TMEM117: variants seen among roughly 807,000 people sequenced by gnomAD.
TMEM117 encodes transmembrane protein 117.
Under a neutral mutation model 52.4 loss-of-function variants are expected in TMEM117, and 27 were observed. The observed-to-expected ratio is 0.51, with a 90% CI of 0.38 to 0.71. The LOEUF (loss-of-function observed/expected upper bound fraction) is 0.71, where lower values mean the gene tolerates loss of function less well. TMEM117 is among the 30% of genes least tolerant of loss of function. The pLI is 0.00. For synonymous variants in TMEM117, 215 were observed against 206.3 expected (o/e 1.04, Z -0.36); for missense variants, 556 against 630.5 (o/e 0.88, Z 1.26).
chr12:44,040,796 T>C (rs1382659520), intron 3 of TMEM117, among the ~76,000 whole-genome samples: 2 of 152,228 alleles, frequency 1.3e-5, no homozygotes, highest in Non-Finnish European at 2.9e-5. Flanking sequence ...CTTTTATTTA[T>C]AGTTAGATAA....
intron 3 of TMEM117, among the ~76,000 whole-genome samples, chr12:43,983,890 T>C (rs1046700246): frequency 9.2e-5 from 14 of 152,212 alleles, no homozygotes; most frequent in African/African-American, 3.1e-4. Flanking sequence ...ATATCAGTAA[T>C]GCATATATTA....
At chr12:44,257,209 C>T (rs1046660677) in intron 5 of TMEM117, among the ~76,000 whole-genome samples, 13 of 151,740 alleles carry the variant, frequency 8.6e-5, no homozygotes, top group Admixed American at 1.3e-4. Flanking sequence ...TTTCCTCTTA[C>T]GGTGGTTTAG....
chr12:44,069,629 T>C (rs1480596493), intron 3 of TMEM117, among the ~76,000 whole-genome samples: 1 of 152,142 alleles, frequency 6.6e-6, no homozygotes, highest in African/African-American at 2.4e-5. Context: ...GACAGTACCC[T>C]GTGTGAGGTG....
Position 44,382,146 on chromosome 12 carries a change from C to T in TMEM117, c.898+5422C>T, listed in dbSNP as rs538969182. 2.0e-5 allele frequency among the ~76,000 whole-genome samples: 3 copies of T among 152,256 alleles called. No individual in the cohort carries two copies. In the South Asian group the frequency reaches 6.2e-4, roughly 32 times the overall value. ...GTCCAAAACTCATCTTCTTCAGGGC[C>T]ATCATTTTGCCCATGGCCTGTCAGT... is the stretch of plus-strand genomic sequence containing the variant. On this transcript the variant is annotated intron_variant, in intron 7 of 7. Coordinates refer to ENST00000266534, the MANE Select transcript of TMEM117 (RefSeq NM_032256.3).
upstream of TMEM117, among the ~76,000 whole-genome samples, chr12:43,833,166 T>C (rs1247449666): frequency 6.6e-6 from 1 of 152,186 alleles, no homozygotes; most frequent in Non-Finnish European, 1.5e-5. Flanking sequence ...ATAGTAAGCA[T>C]TGGTAGAGCT....
At chr12:44,336,088 A>G (rs1290575052) in intron 6 of TMEM117, among the ~76,000 whole-genome samples, 4 of 152,086 alleles carry the variant, frequency 2.6e-5, no homozygotes, top group African/African-American at 4.8e-5. Context: ...TTTGCGCCAC[A>G]TAAAAATACA....
intron 3 of TMEM117, among the ~76,000 whole-genome samples, chr12:43,954,985 G>T (rs150684996): frequency 6.5e-4 from 99 of 152,186 alleles, no homozygotes; most frequent in African/African-American, 2.2e-3. Context: ...TTCAACATAC[G>T]TAAATCAATA....
At chr12:43,902,672 A>G (rs1198698521) in intron 2 of TMEM117, among the ~76,000 whole-genome samples, 1 of 152,168 alleles carries the variant, frequency 6.6e-6, no homozygotes, top group African/African-American at 2.4e-5. Context: ...TTTTAGAAGT[A>G]AGAGGGATAC....
At chr12:44,010,207 A>G (rs963969435) in intron 3 of TMEM117, 1 of 501,640 alleles carries the variant, frequency 2.0e-6, no homozygotes, top group Non-Finnish European at 4.0e-6. Flanking sequence ...CACCTCTGAC[A>G]AATGAGGGTG....
intron 2 of TMEM117, among the ~76,000 whole-genome samples, chr12:43,857,611 G>A (rs765938417): frequency 1.2e-4 from 19 of 152,094 alleles, no homozygotes; most frequent in Non-Finnish European, 2.5e-4. Flanking sequence ...TTGATTACTT[G>A]ATTCATTTAA....
intron 5 of TMEM117, among the ~76,000 whole-genome samples, chr12:44,279,165 A>G (rs1482120756): frequency 1.3e-5 from 2 of 152,226 alleles, no homozygotes; most frequent in East Asian, 1.9e-4. Flanking sequence ...GTCAAAAGCT[A>G]TGACTGAGAA....
At chr12:43,810,901 C>T in the TMEM117 span, among the ~76,000 whole-genome samples, 1 of 151,960 alleles carries the variant, frequency 6.6e-6, no homozygotes, top group Admixed American at 6.6e-5. Flanking sequence ...TAGGGGTGTG[C>T]CAATGAAGGA....
intron 3 of TMEM117, chr12:44,009,084 C>A: frequency 2.8e-6 from 1 of 358,958 alleles, no homozygotes; most frequent in Admixed American, 4.2e-5. Context: ...GTGGTGTTTC[C>A]CATGAAGACA....
At chr12:43,985,380 T>A (rs1172998516) in intron 3 of TMEM117, among the ~76,000 whole-genome samples, 3 of 151,768 alleles carry the variant, frequency 2.0e-5, no homozygotes, top group Admixed American at 6.6e-5. Flanking sequence ...AAAGGTGATA[T>A]ACTTTTAAAA....
chr12:44,131,057 G>GT (rs1948406449), intron 3 of TMEM117, among the ~76,000 whole-genome samples: 2 of 151,870 alleles, frequency 1.3e-5, no homozygotes, highest in South Asian at 4.1e-4. Context: ...TTCTCTCTTT[G>GT]TGGTTAATTT....
intron 2 of TMEM117, among the ~76,000 whole-genome samples, chr12:43,866,110 A>G (rs1181333037): frequency 2.6e-5 from 4 of 151,998 alleles, no homozygotes; most frequent in South Asian, 2.1e-4. Flanking sequence ...CAACAGTTTC[A>G]TAGTCAAACT....
chr12:44,017,920 A>G (rs552939286), intron 3 of TMEM117, among the ~76,000 whole-genome samples: 27 of 152,268 alleles, frequency 1.8e-4, no homozygotes, highest in African/African-American at 5.1e-4. Context: ...ATTTTTTTCA[A>G]TGTTCTTTTT....
rs80228003 is a variant in TMEM117, at chr12:44,226,602, A to G, written c.608+15215A>G. Among the ~76,000 whole-genome samples the G allele has an allele frequency of 4.5e-4, 69 of 152,130 alleles. 2 individuals are homozygous for G. In the East Asian group the frequency reaches 0.011, roughly 23 times the overall value. On this transcript the variant is annotated intron_variant, in intron 5 of 7. Transcript: ENST00000266534. Reference sequence around the variant, plus strand: ...CATGTTGAAGTCCTAATGCCTCAGAATGTAACTGTATTTGGAGGTTGGGAC... The same window carrying G: ...CATGTTGAAGTCCTAATGCCTCAGAGTGTAACTGTATTTGGAGGTTGGGAC...
chr12:44,235,433 T>C (rs1420279344), intron 5 of TMEM117, among the ~76,000 whole-genome samples: 4 of 151,610 alleles, frequency 2.6e-5, no homozygotes, highest in Non-Finnish European at 5.9e-5. Flanking sequence ...ACTGATATAC[T>C]TGGATTTAAA....
Sources: allele counts gnomAD v4.1 joint callset (sites outside exome capture counted in the v4.1 genomes callset), GRCh38; gene constraint gnomAD v4.1.1; transcripts MANE v1.5; gene names NCBI Gene and HGNC (gene_info 2026-07-23, HGNC 2026-07-21).